Variants in SNX29 observed in about 807,000 individuals in gnomAD.
The protein encoded by SNX29 is sorting nexin-29.
Under a neutral mutation model 102.1 loss-of-function variants are expected in SNX29, and 78 were observed. The observed-to-expected ratio is 0.76, with a 90% CI of 0.64 to 0.92. SNX29 has a LOEUF of 0.92. Ranked by LOEUF, SNX29 falls within the 40% of genes least tolerant of loss-of-function variation. The pLI, the probability that SNX29 is intolerant of heterozygous loss-of-function variation, is 0.00. For missense variants in SNX29, 1,280 were observed against 1,061.7 expected (o/e 1.21, Z -2.86); for synonymous variants, 580 against 414.5 (o/e 1.40, Z -4.85).
At chr16:12,195,545 C>A (rs1384098003) in intron 13 of SNX29, among the ~76,000 whole-genome samples, 1 of 152,204 alleles carries the variant, frequency 6.6e-6, no homozygotes, top group East Asian at 1.9e-4. Flanking sequence ...AGTTCCTTAG[C>A]CTCTCTTAGC....
At chr16:12,274,928 C>T (rs2079198786) in intron 14 of SNX29, among the ~76,000 whole-genome samples, 1 of 152,038 alleles carries the variant, frequency 6.6e-6, no homozygotes, top group African/African-American at 2.4e-5. Flanking sequence ...CATGACTACA[C>T]TGTCTCCTCC....
At chr16:12,492,144 C>T (rs2151865742) in intron 19 of SNX29, among the ~76,000 whole-genome samples, 1 of 152,300 alleles carries the variant, frequency 6.6e-6, no homozygotes, top group Middle Eastern at 3.4e-3. Flanking sequence ...ACAGTCCCAC[C>T]AACAGTGTAA....
At chr16:12,278,215 C>A (rs998442546) in intron 15 of SNX29, among the ~76,000 whole-genome samples, 179 bp downstream of exon 15, 10 of 152,096 alleles carry the variant, frequency 6.6e-5, no homozygotes, top group African/African-American at 2.4e-4. Flanking sequence ...TGAGCTGATC[C>A]TTTGAAAAAT....
At chr16:12,515,507 A>G (rs28633773) in intron 19 of SNX29, 12,416 of 488,390 alleles carry the variant, frequency 0.025, 626 homozygotes, top group African/African-American at 0.14. Flanking sequence ...TTGCCTCCCC[A>G]GCCGCCACCA....
At chr16:12,499,567 G>T (rs1406323721) in intron 19 of SNX29, among the ~76,000 whole-genome samples, 3 of 152,112 alleles carry the variant, frequency 2.0e-5, no homozygotes, top group Non-Finnish European at 4.4e-5. Flanking sequence ...TCCCACTCTG[G>T]GTGTGATCTG....
rs1004690597 is a variant in SNX29 at position 12,562,628 on chromosome 16, C to T, written c.2319-5878C>T. 3.3e-5 allele frequency among the ~76,000 whole-genome samples: 5 copies of T among 152,302 alleles called. No individual in the cohort carries two copies. The South Asian group carries it at 8.3e-4, about 25-fold the overall frequency. On this transcript the variant is annotated intron_variant, in intron 20 of 20. Transcript: ENST00000566228. The stretch of plus-strand genomic sequence containing the variant: ...CTGGCTCTTGAGAGCTACAGGCTAT[C>T]AGGGTCTTCCCTGAGGGGCTGTTTT...
At chr16:12,526,772 A>C (rs1191246640) in intron 20 of SNX29, 1 of 428,404 alleles carries the variant, frequency 2.3e-6, no homozygotes, top group African/African-American at 2.0e-5. Flanking sequence ...TCCGCAAGTC[A>C]GTGTCCCCCA....
chr16:12,047,541 G>C (rs935854172), intron 6 of SNX29, among the ~76,000 whole-genome samples: 1 of 151,908 alleles, frequency 6.6e-6, no homozygotes, highest in African/African-American at 2.4e-5. Flanking sequence ...TGAGTGTTTT[G>C]TGAGTGATTG....
At chr16:12,056,858 C>T (rs1011435605) in intron 8 of SNX29, among the ~76,000 whole-genome samples, 4 of 152,052 alleles carry the variant, frequency 2.6e-5, no homozygotes, top group African/African-American at 7.3e-5. Flanking sequence ...AGGTCTTGCT[C>T]TGTCATCCAG....
At chr16:12,559,853 G>C (rs1011706557) in intron 20 of SNX29, among the ~76,000 whole-genome samples, 3 of 152,074 alleles carry the variant, frequency 2.0e-5, no homozygotes, top group Non-Finnish European at 2.9e-5. Flanking sequence ...AGACTGCTTT[G>C]ATTTAAAATA....
rs1281011841 is a variant in SNX29, at chr16:12,572,201, G to C, written c.*3572G>C. 5 of 974,080 alleles carry C rather than the reference G, an allele frequency of 5.1e-6. No individual in the cohort carries two copies. The highest frequency in any genetic ancestry group is 5.0e-6 in the Non-Finnish European group (4 of 797,242). 60.3% of individuals were successfully genotyped at this position (974,080 alleles called of 1,614,324 possible). A position where few individuals can be genotyped will look rare whatever the true frequency, so the allele number is the denominator to read the frequency against. On this transcript the variant is annotated 3_prime_UTR_variant, in exon 21 of 21. Coordinates refer to ENST00000566228, the MANE Select transcript of SNX29 (RefSeq NM_032167.5). ...TCTTAGAACCATGGCAGGTAGTATTGTGCTTTAAAAACCAGAGGCTCCTGA... is the reference window on the plus strand; with the variant it reads ...TCTTAGAACCATGGCAGGTAGTATTCTGCTTTAAAAACCAGAGGCTCCTGA...
chr16:12,561,412 G>C (rs1388432655), intron 20 of SNX29, among the ~76,000 whole-genome samples: 6 of 152,294 alleles, frequency 3.9e-5, no homozygotes, highest in Non-Finnish European at 5.9e-5. Flanking sequence ...ACACAGATCA[G>C]TCCTAGCTGG....
At chr16:12,239,482 C>T (rs1462521326) in intron 14 of SNX29, among the ~76,000 whole-genome samples, 1 of 151,778 alleles carries the variant, frequency 6.6e-6, no homozygotes, top group African/African-American at 2.4e-5. Flanking sequence ...GAAATGTCAC[C>T]AAATGTTGGC....
intron 14 of SNX29, among the ~76,000 whole-genome samples, chr16:12,235,359 T>A (rs1382482986): frequency 6.6e-6 from 1 of 152,176 alleles, no homozygotes. Flanking sequence ...TGTATGAGGC[T>A]GTCCCCTGGG....
intron 14 of SNX29, among the ~76,000 whole-genome samples, chr16:12,201,536 G>C (rs188983268): frequency 2.0e-5 from 3 of 152,152 alleles, no homozygotes; most frequent in Non-Finnish European, 2.9e-5. Flanking sequence ...ATGAACTCAC[G>C]CATTTTTCTC....
intron 11 of SNX29, among the ~76,000 whole-genome samples, chr16:12,110,136 C>T (rs2053444285): frequency 6.6e-6 from 1 of 152,100 alleles, no homozygotes; most frequent in Admixed American, 6.6e-5. Context: ...GCTGAGCTTG[C>T]GGGGAGGTGT....
At chr16:12,419,607 C>G (rs1195659406) in intron 18 of SNX29, among the ~76,000 whole-genome samples, 1 of 150,894 alleles carries the variant, frequency 6.6e-6, no homozygotes, top group Non-Finnish European at 1.5e-5. Context: ...TCTGTGTTGG[C>G]TGTGTTCACG....
chr16:12,379,765 C>T (rs1012926711), intron 16 of SNX29, among the ~76,000 whole-genome samples: 1 of 152,102 alleles, frequency 6.6e-6, no homozygotes, highest in Non-Finnish European at 1.5e-5. Flanking sequence ...TCACTGTGAG[C>T]AACAGGTCAG....
rs141465880 is a variant in SNX29, at chr16:12,159,350, C to T, written c.1595+29592C>T. Among the ~76,000 whole-genome samples, 371 of 152,324 alleles carry T rather than the reference C, an allele frequency of 2.4e-3. 3 individuals are homozygous for T. Among genetic ancestry groups the T allele is most frequent in the Non-Finnish European group, 3.0e-3 (202 of 68,022 alleles). On this transcript the variant is annotated intron_variant, in intron 13 of 20. Transcript: ENST00000566228. ...TTGGGCTGCTTCTCAAGAACTAATT[C>T]CCAGTAACTAGCAATCCCAGTATTG...
Sources: gnomAD v4.1 joint callset for allele counts (sites outside exome capture counted in the v4.1 genomes callset) on GRCh38, gnomAD v4.1.1 for gene constraint, MANE v1.5 for transcripts, NCBI Gene and HGNC (gene_info 2026-07-23, HGNC 2026-07-21) for gene names.